Variants in HSPA12A observed in about 807,000 individuals in gnomAD.
HSPA12A encodes the protein heat shock 70 kDa protein 12A.
In HSPA12A, 28 loss-of-function variants were observed where a neutral mutation model predicts 69.2. The observed-to-expected ratio is 0.40, with a 90% CI of 0.30 to 0.55. The LOEUF (loss-of-function observed/expected upper bound fraction) is 0.55, where lower values mean the gene tolerates loss of function less well. Ranked by LOEUF, HSPA12A falls within the 20% of genes least tolerant of loss-of-function variation. The pLI is 0.38. For missense variants in HSPA12A, 686 were observed against 900.7 expected, an observed-to-expected ratio of 0.76 and a Z score of 3.05; for synonymous variants, 345 against 370.5, an observed-to-expected ratio of 0.93 and a Z score of 0.79.
At chr10:116,683,259 G>A (rs569575083) in intron 7 of HSPA12A, among the ~76,000 whole-genome samples, 1 of 152,186 alleles carries the variant, frequency 6.6e-6, no homozygotes, top group South Asian at 2.1e-4. Context: ...AAGAGGAAAA[G>A]CTTTTTAAAA....
At chr10:116,735,567 G>T (rs903852512) in intron 1 of HSPA12A, among the ~76,000 whole-genome samples, 5 of 152,152 alleles carry the variant, frequency 3.3e-5, no homozygotes, top group Admixed American at 1.3e-4. Context: ...CCAACCCCCA[G>T]ACCTGTGAGC....
chr10:116,737,354 GCAGAGATTATTAATCGTCCTTGTCTA>G (rs1851347000), intron 1 of HSPA12A, among the ~76,000 whole-genome samples: 1 of 152,152 alleles, frequency 6.6e-6, no homozygotes, highest in African/African-American at 2.4e-5. Flanking sequence ...CCCCAGTAGA[GCAGAGATTATTAATCGTCCTTGTCTA>G]CAGCAGAAAA....
At chr10:116,767,078 G>T (rs1394697226) in intron 2 of HSPA12A, among the ~76,000 whole-genome samples, 1 of 152,164 alleles carries the variant, frequency 6.6e-6, no homozygotes, top group Non-Finnish European at 1.5e-5. Context: ...GTGGAGGGCT[G>T]CAGGCCTCTG....
At chr10:116,734,908 C>T (rs1554886301) in intron 1 of HSPA12A, among the ~76,000 whole-genome samples, 1 of 152,084 alleles carries the variant, frequency 6.6e-6, no homozygotes, top group Non-Finnish European at 1.5e-5. Context: ...AGGAGACTGG[C>T]ATGAACCCGG....
intron 2 of HSPA12A, among the ~76,000 whole-genome samples, chr10:116,768,196 C>T (rs988800775): frequency 6.6e-6 from 1 of 152,328 alleles, no homozygotes; most frequent in African/African-American, 2.4e-5. Flanking sequence ...CTGATATATG[C>T]TACGACATGA....
At chr10:116,801,898 C>A (rs1160256463) in intron 2 of HSPA12A, among the ~76,000 whole-genome samples, 1 of 152,060 alleles carries the variant, frequency 6.6e-6, no homozygotes, top group Admixed American at 6.6e-5. Context: ...ACCAAGTATA[C>A]CCTTTTTTGT....
At chr10:116,705,314 G>C in intron 2 of HSPA12A, 36 bp from the exon 3 acceptor site, 1 of 1,612,856 alleles carries the variant, frequency 6.2e-7, no homozygotes, top group Non-Finnish European at 8.5e-7. Flanking sequence ...GGGTGTGGAG[G>C]GGTGGGCCTG....
At chr10:116,746,725 C>T (rs2133079503), upstream of HSPA12A, among the ~76,000 whole-genome samples, 2 of 152,252 alleles carry the variant, frequency 1.3e-5, no homozygotes, top group Middle Eastern at 3.4e-3. Flanking sequence ...AATGCCATTT[C>T]CTTGTATATT....
intron 2 of HSPA12A, among the ~76,000 whole-genome samples, chr10:116,800,229 C>T (rs2133166488): frequency 6.6e-6 from 1 of 152,292 alleles, no homozygotes; most frequent in Admixed American, 6.5e-5. Context: ...CCAAGTTGGC[C>T]TTAGTGAGAA....
At chr10:116,679,895 C>A in intron 9 of HSPA12A, 134 bp from the exon 10 acceptor site, 1 of 802,526 alleles carries the variant, frequency 1.2e-6, no homozygotes, top group East Asian at 2.6e-5. Flanking sequence ...TGTTTACTTA[C>A]ACTTCAGAAC....
intron 1 of HSPA12A, among the ~76,000 whole-genome samples, chr10:116,731,455 C>T (rs918534946): frequency 2.0e-5 from 3 of 152,170 alleles, no homozygotes; most frequent in East Asian, 1.9e-4. Context: ...ATGGGGCCAG[C>T]GGCCATGTGG....
intron 1 of HSPA12A, among the ~76,000 whole-genome samples, chr10:116,711,317 G>A (rs1554883044): frequency 6.6e-6 from 1 of 152,192 alleles, no homozygotes; most frequent in East Asian, 1.9e-4. Flanking sequence ...AGAAGAGAAA[G>A]GCTAAGTCAA....
chr10:116,850,208 C>T (rs1846034268), upstream of HSPA12A: 1 of 226,794 alleles, frequency 4.4e-6, no homozygotes, highest in Non-Finnish European at 8.9e-6. Flanking sequence ...ATCCTACTGG[C>T]TCCTCTGCCG....
At chr10:116,705,847 A>G (rs77204400) in intron 2 of HSPA12A, among the ~76,000 whole-genome samples, 26,823 of 149,854 alleles carry the variant, frequency 0.18, 2,724 homozygotes, top group South Asian at 0.36. Context: ...CCTCATCTAG[A>G]TCACTTGGTC....
chr10:116,747,474 TCA>T (rs1384179283), upstream of HSPA12A, among the ~76,000 whole-genome samples: 3 of 152,072 alleles, frequency 2.0e-5, no homozygotes, highest in African/African-American at 7.2e-5. Context: ...AAGCCACATC[TCA>T]AGGAGGACAA....
chr10:116,742,222 A>T (rs980921185), intron 1 of HSPA12A, among the ~76,000 whole-genome samples: 45 of 151,694 alleles, frequency 3.0e-4, no homozygotes, highest in Non-Finnish European at 5.9e-4. Flanking sequence ...GGCGCAGAAC[A>T]TGTGACCCGC....
chr10:116,799,799 G>C (rs937356156), intron 2 of HSPA12A, among the ~76,000 whole-genome samples: 1 of 152,178 alleles, frequency 6.6e-6, no homozygotes, highest in Non-Finnish European at 1.5e-5. Context: ...TGCTCAGCGC[G>C]TGCTTAGTGA....
chr10:116,700,742 A>G (rs1850055371), intron 4 of HSPA12A, among the ~76,000 whole-genome samples: 1 of 152,164 alleles, frequency 6.6e-6, no homozygotes, highest in Non-Finnish European at 1.5e-5. Flanking sequence ...CCACATGCAC[A>G]TTGGAAAGCA....
Position 116,682,017 on chromosome 10 carries a change from A to T in HSPA12A, c.836-140T>A, listed in dbSNP as rs533933919. 51 of 685,918 alleles carry T rather than the reference A, an allele frequency of 7.4e-5. 1 individual carries two copies. In the South Asian group the frequency reaches 9.0e-4, roughly 12 times the overall value. The allele number at this position is 685,918 out of a possible 1,614,324, so 42.5% of individuals were successfully genotyped here. ...CATTTGACCAAAATAAGTCAATACG[A>T]TGTCGGGAATCACAAAGCCAGCTCT... On this transcript the variant is annotated intron_variant, in intron 7 of 11. Transcript: ENST00000369209.
Sources: gnomAD v4.1 joint callset for allele counts (sites outside exome capture counted in the v4.1 genomes callset) on GRCh38, gnomAD v4.1.1 for gene constraint, MANE v1.5 for transcripts, NCBI Gene and HGNC (gene_info 2026-07-23, HGNC 2026-07-21) for gene names.